Variants in CARS2 observed in about 807,000 individuals in gnomAD.
The protein encoded by CARS2 is cysteinyl-tRNA synthetase 2, mitochondrial, also known as probable cysteine--tRNA ligase, mitochondrial.
Under a neutral mutation model 68.8 loss-of-function variants are expected in CARS2, and 52 were observed. That is an observed-to-expected ratio of 0.76 (90% CI 0.61 to 0.95). CARS2 has a LOEUF of 0.95. Ranked by LOEUF, CARS2 falls within the 40% of genes least tolerant of loss-of-function variation. The probability of loss-of-function intolerance (pLI) is 0.00; values close to 1 mark genes in which losing one functional copy is unlikely to be tolerated. For missense variants in CARS2, 780 were observed against 754.2 expected (o/e 1.03, Z -0.40); for synonymous variants, 314 against 303.6 (o/e 1.03, Z -0.36).
rs983092124 is a variant in CARS2, at chr13:110,641,461, G to A, written c.*76C>T. ...GCTGACCTAGCAGCCCCGACAGGAAGCTTTAACATAAAGCCTTGACCCTGA... is the reference window on the plus strand; with the variant it reads ...GCTGACCTAGCAGCCCCGACAGGAAACTTTAACATAAAGCCTTGACCCTGA... On this transcript the variant is annotated 3_prime_UTR_variant, in exon 15 of 15. Coordinates refer to ENST00000257347, the MANE Select transcript of CARS2 (RefSeq NM_024537.4). 8.3e-7 allele frequency: 1 copy of A among 1,205,726 alleles called. No homozygotes were observed. Among genetic ancestry groups the A allele is most frequent in the African/African-American group, 1.5e-5 (1 of 67,210 alleles). The allele number at this position is 1,205,726 out of a possible 1,614,324, so 74.7% of individuals were successfully genotyped here. A position where few individuals can be genotyped will look rare whatever the true frequency, so the allele number is the denominator to read the frequency against.
chr13:110,712,883 G>A (rs1489349795), intron 1 of CARS2: 11 of 1,406,440 alleles, frequency 7.8e-6, no homozygotes, highest in East Asian at 2.5e-5. Context: ...TCCAAACTGA[G>A]TACCGGGAGA....
upstream of CARS2, among the ~76,000 whole-genome samples, chr13:110,709,542 C>T (rs1594444356): frequency 6.6e-6 from 1 of 152,052 alleles, no homozygotes; most frequent in East Asian, 1.9e-4. Context: ...ACTGCTAATG[C>T]TCTTCATTAC....
intron 4 of CARS2, 33 bp downstream of exon 4, chr13:110,687,914 C>A: frequency 6.3e-7 from 1 of 1,588,124 alleles, no homozygotes; most frequent in Non-Finnish European, 8.6e-7. Flanking sequence ...GCCTGTCACC[C>A]TCATGGCAGG....
upstream of CARS2, among the ~76,000 whole-genome samples, chr13:110,711,259 C>T (rs943878057): frequency 1.3e-5 from 2 of 152,104 alleles, no homozygotes; most frequent in African/African-American, 4.8e-5. Flanking sequence ...CTCTGTCGCC[C>T]AGGCTGGAGT....
chr13:110,642,813 CAA>C (rs762795966), intron 13 of CARS2: 1 of 665,268 alleles, frequency 1.5e-6, no homozygotes, highest in South Asian at 1.5e-5. Flanking sequence ...GCCCTGAACA[CAA>C]ACGCTCCCTG....
chr13:110,703,588 A>C (rs1013804532), intron 2 of CARS2, among the ~76,000 whole-genome samples: 1 of 152,276 alleles, frequency 6.6e-6, no homozygotes, highest in African/African-American at 2.4e-5. Context: ...GTTGGAAATG[A>C]GAAGAGATTC....
At chr13:110,688,075 C>A (rs947762411) in intron 3 of CARS2, 57 bp from the exon 4 acceptor site, 1 of 1,240,820 alleles carries the variant, frequency 8.1e-7, no homozygotes, top group Non-Finnish European at 1.2e-6. Flanking sequence ...AACAGAACCA[C>A]CCAGCCACAA....
intron 9 of CARS2, among the ~76,000 whole-genome samples, chr13:110,657,710 G>A (rs74337820): frequency 0.021 from 3,230 of 152,318 alleles, 105 homozygotes; most frequent in African/African-American, 0.06. Context: ...CCTGATCAAA[G>A]TGAAGCCTCT....
intron 2 of CARS2, among the ~76,000 whole-genome samples, chr13:110,704,933 G>A (rs903483536): frequency 1.3e-5 from 2 of 152,130 alleles, no homozygotes; most frequent in Non-Finnish European, 2.9e-5. Context: ...GGTCAAGAGA[G>A]CAACCACTTC....
chr13:110,707,976 T>A (rs2063996433), upstream of CARS2, among the ~76,000 whole-genome samples: 1 of 152,218 alleles, frequency 6.6e-6, no homozygotes, highest in Non-Finnish European at 1.5e-5. Flanking sequence ...TGCTAACCAC[T>A]CATGTTACCT....
At chr13:110,691,987 G>GAAAAAAAAAAAAAA in intron 3 of CARS2, among the ~76,000 whole-genome samples, 1 of 76,876 alleles carries the variant, frequency 1.3e-5, no homozygotes, top group Admixed American at 1.9e-4. Flanking sequence ...AAGCTGTGCA[G>GAAAAAAAAAAAAAA]AAAAAAAAAA....
rs2063787025 is a variant in CARS2 at position 110,701,564 on chromosome 13, A to C, written c.276-9T>G. The C allele has an allele frequency of 8.1e-7, 1 of 1,237,752 alleles. No individual in the cohort carries two copies. The highest frequency in any genetic ancestry group is 1.2e-6 in the Non-Finnish European group (1 of 838,074). The allele number at this position is 1,237,752 out of a possible 1,614,324, so 76.7% of individuals were successfully genotyped here. A position where few individuals can be genotyped will look rare whatever the true frequency, so the allele number is the denominator to read the frequency against. ...CAAATCTAACATATGAGCTGAAAGA[A>C]AAAAAGTGTCAGGATGTCTTTATTA... is the stretch of plus-strand genomic sequence containing the variant. On this transcript the variant is annotated splice_polypyrimidine_tract_variant and intron_variant, in intron 2 of 14. Coordinates refer to ENST00000257347, the MANE Select transcript of CARS2 (RefSeq NM_024537.4).
chr13:110,656,716 C>G (rs1261466964), intron 9 of CARS2, among the ~76,000 whole-genome samples: 6 of 152,110 alleles, frequency 3.9e-5, no homozygotes, highest in Non-Finnish European at 8.8e-5. Flanking sequence ...AACCCCGTCT[C>G]TACTAAAAAT....
chr13:110,646,189 T>C (rs1566642196), intron 11 of CARS2, 99 bp from the exon 12 acceptor site: 3 of 1,387,256 alleles, frequency 2.2e-6, no homozygotes, highest in African/African-American at 1.5e-5. Flanking sequence ...CTGGGGGCTC[T>C]AATCTGGGGA....
intron 3 of CARS2, among the ~76,000 whole-genome samples, chr13:110,698,434 C>A (rs773610255): frequency 6.6e-6 from 1 of 151,430 alleles, no homozygotes; most frequent in Admixed American, 6.6e-5. Flanking sequence ...GCAGGAGAAT[C>A]GCCTGACCCC....
At chr13:110,669,215 T>C (rs1300982060) in intron 7 of CARS2, among the ~76,000 whole-genome samples, 6 of 152,106 alleles carry the variant, frequency 3.9e-5, no homozygotes, top group Non-Finnish European at 8.8e-5. Flanking sequence ...TCCACCAAAA[T>C]TTAGATAGGC....
chr13:110,697,956 T>C lies in CARS2; in HGVS notation c.393+3482A>G, dbSNP rs555161998. On this transcript the variant is annotated intron_variant, in intron 3 of 14. Transcript: ENST00000257347. ...TTCCTCAAGGACCTCACACCATTCC[T>C]TTGACTCATGCCTAAGAGACAAGAG... The C allele has an allele frequency of 1.5e-3, 677 of 455,918 alleles. 2 individuals carry two copies. Among genetic ancestry groups the C allele is most frequent in the Non-Finnish European group, 1.2e-3 (265 of 226,790 alleles). The allele number at this position is 455,918 out of a possible 1,614,324, so 28.2% of individuals were successfully genotyped here.
intron 5 of CARS2, among the ~76,000 whole-genome samples, chr13:110,684,486 A>G (rs1199091130): frequency 4.0e-5 from 6 of 148,702 alleles, no homozygotes; most frequent in Non-Finnish European, 8.9e-5. Flanking sequence ...GTCAACCCCG[A>G]ATGACCAGGG....
At chr13:110,678,922 G>A (rs963404839) in intron 6 of CARS2, among the ~76,000 whole-genome samples, 1 of 145,020 alleles carries the variant, frequency 6.9e-6, no homozygotes, top group Non-Finnish European at 1.5e-5. Context: ...GGGCGGGGAG[G>A]AGGCACGTGC....
Sources: gnomAD v4.1 joint callset for allele counts (sites outside exome capture counted in the v4.1 genomes callset) on GRCh38, gnomAD v4.1.1 for gene constraint, MANE v1.5 for transcripts, NCBI Gene and HGNC (gene_info 2026-07-23, HGNC 2026-07-21) for gene names.